ADGRA2: variants seen among roughly 807,000 people sequenced by gnomAD.
The protein encoded by ADGRA2 is G-protein coupled receptor 124.
ADGRA2 carries 61 observed loss-of-function variants against 98.7 expected under a neutral mutation model. The ratio of observed to expected loss-of-function variants is 0.62; its 90% CI spans 0.50 to 0.76. The LOEUF (loss-of-function observed/expected upper bound fraction) is 0.76, where lower values mean the gene tolerates loss of function less well. Ranked by LOEUF, ADGRA2 falls within the 30% of genes least tolerant of loss-of-function variation. The probability of loss-of-function intolerance (pLI) is 0.00; values close to 1 mark genes in which losing one functional copy is unlikely to be tolerated. For synonymous variants in ADGRA2, 858 were observed against 831.5 expected (o/e 1.03, Z -0.55); for missense variants, 1,712 against 1,860.0 (o/e 0.92, Z 1.46).
At chr8:37,807,287 G>A (rs1248429538) in intron 1 of ADGRA2, among the ~76,000 whole-genome samples, 1 of 152,210 alleles carries the variant, frequency 6.6e-6, no homozygotes, top group African/African-American at 2.4e-5. Flanking sequence ...AGGCAGCCAC[G>A]GAGGGACGGG....
At position 37,829,276 on chromosome 8, in the gene ADGRA2, C is replaced by T. The variant is rs761972974; in HGVS notation, c.426C>T (p.Asn142=). ...GELKRLDLSN[N]RIGCLTSETF... Reference sequence around the variant, plus strand: ...GTCTCTCTAGAGATCTCTCCAACAACCGGATTGGCTGTCTCACCTCCGAGA... The same window carrying T: ...GTCTCTCTAGAGATCTCTCCAACAATCGGATTGGCTGTCTCACCTCCGAGA... Residue 142 remains asparagine, a synonymous_variant, in exon 4 of 19, where the codon AAC becomes AAT. Transcript: ENST00000412232. 6 of 1,613,646 alleles carry T rather than the reference C, an allele frequency of 3.7e-6. No individual in the cohort carries two copies. In the East Asian group the frequency reaches 6.7e-5, roughly 18 times the overall value.
intron 1 of ADGRA2, among the ~76,000 whole-genome samples, chr8:37,798,645 A>T (rs1429777194): frequency 2.0e-5 from 3 of 152,170 alleles, no homozygotes; most frequent in African/African-American, 4.8e-5. Context: ...TCCTGACCCC[A>T]GTGGCAACCG....
chr8:37,832,948 G>A (rs573737770), intron 8 of ADGRA2, 62 bp from the exon 9 acceptor site: 342 of 1,312,720 alleles, frequency 2.6e-4, no homozygotes, highest in Admixed American at 1.0e-3. Context: ...TTCTAAAGTC[G>A]GGAGAAGGGC....
chr8:37,816,214 C>T (rs1804976959), intron 2 of ADGRA2, among the ~76,000 whole-genome samples: 1 of 147,242 alleles, frequency 6.8e-6, no homozygotes, highest in African/African-American at 2.7e-5. Context: ...GGCTTGAGCC[C>T]AGGAGTTCAA....
chr8:37,807,518 A>G (rs1804710651), intron 1 of ADGRA2, among the ~76,000 whole-genome samples: 1 of 152,206 alleles, frequency 6.6e-6, no homozygotes, highest in African/African-American at 2.4e-5. Context: ...TCTATATTTT[A>G]GAGGCAATGC....
chr8:37,824,931 C>T (rs1046220660), intron 2 of ADGRA2, among the ~76,000 whole-genome samples: 4 of 152,234 alleles, frequency 2.6e-5, no homozygotes, highest in African/African-American at 7.2e-5. Flanking sequence ...TGCTCACAAA[C>T]TCACTCTTAC....
At position 37,833,126 on chromosome 8, in the gene ADGRA2, G is replaced by C. The variant is rs146462494; in HGVS notation, c.1214G>C (p.Arg405Pro). Reference protein sequence around the residue: ...PGTRASRRCDRAGRWEPGDYS... With the variant: ...PGTRASRRCDPAGRWEPGDYS... ...ACCCGAGCCTCCCGCCGGTGTGACCGTGCCGGCCGCTGGGAGCCAGGGGAC... is the reference window on the plus strand; with the variant it reads ...ACCCGAGCCTCCCGCCGGTGTGACCCTGCCGGCCGCTGGGAGCCAGGGGAC... Residue 405 changes from arginine (R) to proline (P), a missense_variant, in exon 9 of 19, where the codon CGT becomes CCT. Arg to Pro is a moderately radical substitution (Grantham distance 103). Coordinates refer to ENST00000412232, the MANE Select transcript of ADGRA2 (RefSeq NM_032777.10). 8 of 1,612,928 alleles carry C rather than the reference G, an allele frequency of 5.0e-6. No homozygotes were observed. The highest frequency in any genetic ancestry group is 1.3e-5 in the African/African-American group (1 of 74,938).
In ADGRA2 at chr8:37,833,759, C is replaced by A; in HGVS notation, c.1368C>A (p.Ser456Arg). The A allele has an allele frequency of 1.2e-6, 2 of 1,614,180 alleles. No individual in the cohort carries two copies. Among genetic ancestry groups the A allele is most frequent in the Non-Finnish European group, 1.7e-6 (2 of 1,180,006 alleles). ...QLRVYTAEAASFSDMMDVVYV... is the reference protein window; with the variant it reads ...QLRVYTAEAARFSDMMDVVYV... ...GCGTGTACACAGCCGAGGCCGCTAG[C>A]TTTTCAGACATGATGGATGTAGTCT... The change falls in exon 10 of 19, where the codon AGC becomes AGA. Residue 456 changes from serine (S) to arginine (R), a missense_variant. By Grantham distance (110) the Ser-to-Arg change is moderately radical. Transcript: ENST00000412232.
intron 1 of ADGRA2, among the ~76,000 whole-genome samples, chr8:37,805,932 T>C (rs913993660): frequency 6.6e-6 from 1 of 151,920 alleles, no homozygotes; most frequent in African/African-American, 2.4e-5. Context: ...GGTGGCATAC[T>C]AGCTAGTCCA....
At chr8:37,806,901 C>T (rs755737512) in intron 1 of ADGRA2, among the ~76,000 whole-genome samples, 4 of 152,144 alleles carry the variant, frequency 2.6e-5, no homozygotes, top group Non-Finnish European at 5.9e-5. Context: ...CCATCCAAGC[C>T]CCAGTTTCTT....
At chr8:37,807,567 A>C (rs2129918704) in intron 1 of ADGRA2, among the ~76,000 whole-genome samples, 1 of 152,300 alleles carries the variant, frequency 6.6e-6, no homozygotes, top group South Asian at 2.1e-4. Flanking sequence ...GAGCCCTGGA[A>C]ATGCTCAAAG....
intron 1 of ADGRA2, among the ~76,000 whole-genome samples, chr8:37,812,167 G>GT (rs1804853260): frequency 6.6e-6 from 1 of 151,906 alleles, no homozygotes. Context: ...TGTTGTTGTT[G>GT]TTGTTGTTGT....
Position 37,797,009 on chromosome 8 carries a change from G to A in ADGRA2, c.-260G>A. ...GCCTCCAGTGTCCCGAGGGCCGGGC[G>A]CTGAGACTCCGGCCGCGCAGCTGGG... On this transcript the variant is annotated 5_prime_UTR_variant, in exon 1 of 19. Transcript: ENST00000412232. This position sits in a 1 kb window ranked among gnomAD's most constrained non-coding sequence, Gnocchi z 5.3. 5.7e-6 allele frequency: 1 copy of A among 174,454 alleles called. No homozygotes were observed. The allele number at this position is 174,454 out of a possible 1,614,324, so 10.8% of individuals were successfully genotyped here.
rs1222184721 is a variant in ADGRA2 at position 37,814,296 on chromosome 8, G to A, written c.267-600G>A. The stretch of plus-strand genomic sequence containing the variant: ...CTGAGGCCTGGCTTCCCCTACACTC[G>A]GGGCTCCATTGGCTTTCTGCCAAGG... On this transcript the variant is annotated intron_variant, in intron 1 of 18. Coordinates refer to ENST00000412232, the MANE Select transcript of ADGRA2 (RefSeq NM_032777.10). The surrounding 1 kb of genome is among the most constrained non-coding windows in gnomAD (Gnocchi z 4.3). 6.6e-6 allele frequency among the ~76,000 whole-genome samples: 1 copy of A among 152,148 alleles called. No individual in the cohort carries two copies. Among genetic ancestry groups the A allele is most frequent in the African/African-American group, 2.4e-5 (1 of 41,430 alleles).
Position 37,812,670 on chromosome 8 carries a change from ATT to A in ADGRA2, c.267-2213_267-2212del, listed in dbSNP as rs35078864. On this transcript the variant is annotated intron_variant, in intron 1 of 18. Coordinates refer to ENST00000412232, the MANE Select transcript of ADGRA2 (RefSeq NM_032777.10). ...ATATTGAGGATTTGGGAGTTGCAGA[ATT>A]TTTTTTTTTTTTGAGACTAGGTCTC... Among the ~76,000 whole-genome samples the A allele has an allele frequency of 2.7e-3, 401 of 146,152 alleles. 3 individuals are homozygous for A. The highest frequency in any genetic ancestry group is 9.1e-3 in the African/African-American group (363 of 39,970).
At chr8:37,818,807 G>A (rs1299776914) in intron 2 of ADGRA2, among the ~76,000 whole-genome samples, 1 of 152,234 alleles carries the variant, frequency 6.6e-6, no homozygotes, top group Non-Finnish European at 1.5e-5. Context: ...GGGTAAGGAG[G>A]TGAGAAAGCA....
At chr8:37,803,132 C>T (rs373399342) in intron 1 of ADGRA2, among the ~76,000 whole-genome samples, 8 of 152,160 alleles carry the variant, frequency 5.3e-5, no homozygotes, top group African/African-American at 1.7e-4. Flanking sequence ...CCCTTCAATG[C>T]GGGTCATGTT....
chr8:37,835,050 C>G, intron 11 of ADGRA2, 124 bp from the exon 12 acceptor site: 1 of 659,850 alleles, frequency 1.5e-6, no homozygotes, highest in Non-Finnish European at 2.6e-6. Flanking sequence ...AGAGAGGTGG[C>G]TTTGAAAAAA....
rs1022649796 is a variant in ADGRA2, at chr8:37,834,850, A to G, written c.1609-324A>G. 2.0e-5 allele frequency among the ~76,000 whole-genome samples: 3 copies of G among 152,002 alleles called. No homozygotes were observed. Among genetic ancestry groups the G allele is most frequent in the African/African-American group, 7.2e-5 (3 of 41,388 alleles). ...GAGACTAGCCTGGGCAACATGGTGA[A>G]ACCCCATCTCTAAAAAAAAGTTTTT... is the stretch of plus-strand genomic sequence containing the variant. On this transcript the variant is annotated intron_variant, in intron 11 of 18. Transcript: ENST00000412232. This position sits in a 1 kb window ranked among gnomAD's most constrained non-coding sequence, Gnocchi z 4.2.
Sources: gnomAD v4.1 joint callset for allele counts (sites outside exome capture counted in the v4.1 genomes callset) on GRCh38, gnomAD v4.1.1 for gene constraint, Gnocchi (gnomAD v3.1) non-coding constraint, MANE v1.5 for transcripts, NCBI Gene and HGNC (gene_info 2026-07-23, HGNC 2026-07-21) for gene names.